ITGAE: variants seen among roughly 807,000 people sequenced by gnomAD.
ITGAE encodes the protein integrin subunit alpha E, also known as integrin alpha-E.
A neutral mutation model predicts 136.5 loss-of-function variants in ITGAE; 99 were observed. The observed-to-expected ratio is 0.73, with a 90% CI of 0.62 to 0.86. The LOEUF is 0.86. Among genes scored for constraint, ITGAE ranks in the 40% least tolerant of loss-of-function variants. The probability of loss-of-function intolerance (pLI) is 0.00; values close to 1 mark genes in which losing one functional copy is unlikely to be tolerated. For missense variants in ITGAE, 1,447 were observed against 1,515.3 expected, an observed-to-expected ratio of 0.95 and a Z score of 0.75; for synonymous variants, 613 against 591.8, an observed-to-expected ratio of 1.04 and a Z score of -0.52.
chr17:3,766,663 A>G (rs1187544506), intron 2 of ITGAE, among the ~76,000 whole-genome samples: 3 of 151,984 alleles, frequency 2.0e-5, no homozygotes, highest in African/African-American at 7.2e-5. Context: ...TTAGCTGGGC[A>G]TAGTGGTGAA....
intron 1 of ITGAE, among the ~76,000 whole-genome samples, chr17:3,781,363 T>G (rs2052663128): frequency 6.6e-6 from 1 of 152,114 alleles, no homozygotes; most frequent in African/African-American, 2.4e-5. Context: ...CTTTCTTTTT[T>G]TTTTGAGATA....
intron 23 of ITGAE, chr17:3,730,454 A>AAAAAAAAAATAAAATAAAAAAAT (rs147927266): frequency 4.1e-5 from 6 of 147,498 alleles, no homozygotes; most frequent in South Asian, 4.4e-4. Context: ...TCTGTCTCAA[A>AAAAAAAAAATAAAATAAAAAAAT]AAATAAATAA....
chr17:3,786,068 G>C (rs2052789358), intron 1 of ITGAE, among the ~76,000 whole-genome samples: 2 of 151,314 alleles, frequency 1.3e-5, no homozygotes, highest in African/African-American at 2.4e-5. Context: ...TCGGGAGGCT[G>C]AGGCAGGAGA....
At chr17:3,755,602 T>C (rs2052000445) in intron 11 of ITGAE, among the ~76,000 whole-genome samples, 10 of 152,180 alleles carry the variant, frequency 6.6e-5, no homozygotes, top group Admixed American at 6.5e-4. Context: ...GCCACCCTTT[T>C]GTTGCAGTGA....
intron 14 of ITGAE, among the ~76,000 whole-genome samples, chr17:3,752,280 G>A (rs571060359): frequency 6.6e-6 from 1 of 152,230 alleles, no homozygotes; most frequent in East Asian, 1.9e-4. Context: ...GGAGGCCTGG[G>A]TTTCACTCGT....
intron 26 of ITGAE, chr17:3,724,342 C>T: frequency 1.9e-6 from 3 of 1,594,148 alleles, no homozygotes; most frequent in African/African-American, 1.3e-5. Context: ...CTCCGACTTC[C>T]GCCCTTCCCC....
intron 1 of ITGAE, among the ~76,000 whole-genome samples, chr17:3,786,960 T>C (rs1269487504): frequency 2.6e-5 from 4 of 151,798 alleles, no homozygotes; most frequent in Non-Finnish European, 5.9e-5. Flanking sequence ...GAAGAGTGGT[T>C]TGACATTTAA....
chr17:3,725,330 G>T (rs758409065), intron 26 of ITGAE: 22 of 1,614,170 alleles, frequency 1.4e-5, no homozygotes, highest in Non-Finnish European at 1.9e-5. Flanking sequence ...AGGTTTATGG[G>T]GAATGCAGTC....
chr17:3,723,572 TG>T, intron 27 of ITGAE, 115 bp downstream of exon 27: 2 of 1,186,452 alleles, frequency 1.7e-6, no homozygotes, highest in Non-Finnish European at 2.4e-6. Context: ...AGGGAGGGCC[TG>T]GCAGCCCCCG....
chr17:3,757,820 C>G lies in ITGAE; in HGVS notation c.906G>C (p.Lys302Asn). The G allele has an allele frequency of 6.2e-7, 1 of 1,614,182 alleles. No individual in the cohort carries two copies. Among genetic ancestry groups the G allele is most frequent in the Non-Finnish European group, 8.5e-7 (1 of 1,180,048 alleles). Residue 302 changes from lysine (K) to asparagine (N), a missense_variant, in exon 9 of 31, where the codon AAG becomes AAC. Lys to Asn is a moderately conservative substitution (Grantham distance 94). Transcript: ENST00000263087. ...TGAGCACCACCATGACCTTGGATGC[C>G]TTTCTCCTGGAGCCGTGGCTTGAGG... ...IFTSSHGSRRKASKVMVVLTD... is the reference protein window; with the variant it reads ...IFTSSHGSRRNASKVMVVLTD...
chr17:3,800,853 G>A (rs1191248701), intron 1 of ITGAE, among the ~76,000 whole-genome samples: 1 of 152,218 alleles, frequency 6.6e-6, no homozygotes, highest in African/African-American at 2.4e-5. Context: ...GGCTGGAGGA[G>A]GAACAGAATG....
chr17:3,759,684 C>G, intron 7 of ITGAE, 131 bp from the exon 8 acceptor site: 2 of 1,096,754 alleles, frequency 1.8e-6, no homozygotes, highest in Non-Finnish European at 1.3e-6. Flanking sequence ...GATGCTAAGG[C>G]AGAGCAAAAT....
intron 22 of ITGAE, 61 bp from the exon 23 acceptor site, chr17:3,731,244 G>T: frequency 7.8e-7 from 1 of 1,282,782 alleles, no homozygotes; most frequent in South Asian, 1.2e-5. Context: ...AATTCAGACC[G>T]CTAGCTACTC....
At chr17:3,792,756 G>T (rs551229532) in intron 1 of ITGAE, among the ~76,000 whole-genome samples, 7 of 152,200 alleles carry the variant, frequency 4.6e-5, no homozygotes, top group Admixed American at 6.5e-5. Context: ...AATGAATGAA[G>T]CTTTCTTGAA....
At chr17:3,746,549 G>A (rs946993912) in intron 17 of ITGAE, among the ~76,000 whole-genome samples, 7 of 151,510 alleles carry the variant, frequency 4.6e-5, no homozygotes, top group Non-Finnish European at 1.0e-4. Context: ...TCCGCCTCCC[G>A]GGTTCACACC....
intron 26 of ITGAE, chr17:3,724,529 C>T (rs904632929): frequency 6.2e-7 from 1 of 1,613,994 alleles, no homozygotes; most frequent in Non-Finnish European, 8.5e-7. Context: ...TGGTTGCAGC[C>T]TCAGCCGTCC....
chr17:3,746,929 G>C (rs1041663264), intron 17 of ITGAE, among the ~76,000 whole-genome samples: 6 of 152,188 alleles, frequency 3.9e-5, no homozygotes, highest in Admixed American at 3.9e-4. Flanking sequence ...ATAATAGCCT[G>C]CTGCTTTGGG....
intron 21 of ITGAE, among the ~76,000 whole-genome samples, chr17:3,732,906 T>C (rs2051377319): frequency 2.6e-5 from 4 of 152,214 alleles, no homozygotes; most frequent in Non-Finnish European, 5.9e-5. Flanking sequence ...AGGTGATGAC[T>C]GCAGTGAGTT....
Position 3,771,736 on chromosome 17 carries a change from C to T in ITGAE, c.155+5804G>A, listed in dbSNP as rs1206350264. On this transcript the variant is annotated intron_variant, in intron 2 of 30. Coordinates refer to ENST00000263087, the MANE Select transcript of ITGAE (RefSeq NM_002208.5). ...ATTTTTAGTGGAGACGGGGTTTCAC[C>T]ATGTTGGCCAGGCTGGTCTGGAACT... 4.6e-5 allele frequency among the ~76,000 whole-genome samples: 7 copies of T among 152,152 alleles called. No homozygotes were observed. The East Asian group carries it at 9.7e-4, about 21-fold the overall frequency.
Sources: gnomAD v4.1 joint callset for allele counts (sites outside exome capture counted in the v4.1 genomes callset) on GRCh38, gnomAD v4.1.1 for gene constraint, MANE v1.5 for transcripts, NCBI Gene and HGNC (gene_info 2026-07-23, HGNC 2026-07-21) for gene names.